Variants in DTHD1 observed in about 807,000 individuals in gnomAD.
DTHD1 encodes the protein death domain-containing protein 1.
A neutral mutation model predicts 74.8 loss-of-function variants in DTHD1; 59 were observed. The ratio of observed to expected loss-of-function variants is 0.79; its 90% CI spans 0.64 to 0.98. The LOEUF is 0.98. Ranked by LOEUF, DTHD1 falls within the 50% of genes least tolerant of loss-of-function variation. The probability of loss-of-function intolerance (pLI) is 0.00; values close to 1 mark genes in which losing one functional copy is unlikely to be tolerated. For synonymous variants in DTHD1, 365 were observed against 371.1 expected, an observed-to-expected ratio of 0.98 and a Z score of 0.19; for missense variants, 1,051 against 1,065.4, an observed-to-expected ratio of 0.99 and a Z score of 0.19.
Position 36,281,706 on chromosome 4 carries a change from A to G in DTHD1, c.-53A>G. The G allele has an allele frequency of 8.1e-7, 1 of 1,234,234 alleles. No homozygotes were observed. Among genetic ancestry groups the G allele is most frequent in the Non-Finnish European group, 1.0e-6 (1 of 988,446 alleles). 76.5% of individuals were successfully genotyped at this position (1,234,234 alleles called of 1,614,324 possible). On this transcript the variant is annotated 5_prime_UTR_variant, in exon 1 of 10. Transcript: ENST00000639862. Reference sequence around the variant, plus strand: ...TAACAATCACAAAGTTTGAATTTGCAAAACCTTTAGGCTTTGCTGGCAGGA... The same window carrying G: ...TAACAATCACAAAGTTTGAATTTGCGAAACCTTTAGGCTTTGCTGGCAGGA...
intron 8 of DTHD1, chr4:36,333,433 C>G (rs1176548764): frequency 4.6e-5 from 7 of 152,128 alleles, no homozygotes; most frequent in African/African-American, 9.7e-5. Flanking sequence ...ACTTTAATGT[C>G]ATGTGACATG....
intron 9 of DTHD1, among the ~76,000 whole-genome samples, chr4:36,342,088 G>C (rs1759343115): frequency 6.6e-6 from 1 of 152,214 alleles, no homozygotes; most frequent in Non-Finnish European, 1.5e-5. Flanking sequence ...AGAAACTGGG[G>C]TCGGAGGTGT....
chr4:36,340,212 G>T (rs1759240440), intron 9 of DTHD1, among the ~76,000 whole-genome samples: 1 of 152,168 alleles, frequency 6.6e-6, no homozygotes, highest in Non-Finnish European at 1.5e-5. Flanking sequence ...TTGAGTGGGA[G>T]AAAACTATGA....
intron 8 of DTHD1, among the ~76,000 whole-genome samples, chr4:36,336,768 AAC>A: frequency 6.6e-6 from 1 of 152,250 alleles, no homozygotes; most frequent in East Asian, 1.9e-4. Flanking sequence ...GGGAGAAACA[AAC>A]AGTTTCAAAG....
chr4:36,295,920 A>C (rs1413271065), intron 5 of DTHD1, among the ~76,000 whole-genome samples: 1 of 152,102 alleles, frequency 6.6e-6, no homozygotes, highest in African/African-American at 2.4e-5. Flanking sequence ...AAAAAAAGAA[A>C]CAATCAAAGG....
chr4:36,335,701 A>C (rs1758973000), intron 8 of DTHD1, among the ~76,000 whole-genome samples: 1 of 152,228 alleles, frequency 6.6e-6, no homozygotes, highest in Admixed American at 6.5e-5. Context: ...GAGGGTTAAA[A>C]ACTTTTGGAG....
intron 8 of DTHD1, among the ~76,000 whole-genome samples, chr4:36,318,252 G>T (rs1475502152): frequency 6.6e-6 from 1 of 152,186 alleles, no homozygotes; most frequent in Non-Finnish European, 1.5e-5. Context: ...AGCACATAAA[G>T]CTAGGATTAT....
chr4:36,316,761 T>C (rs1339396215), intron 8 of DTHD1, among the ~76,000 whole-genome samples: 1 of 152,204 alleles, frequency 6.6e-6, no homozygotes, highest in African/African-American at 2.4e-5. Flanking sequence ...TCATTCATTT[T>C]CTGTAACTGC....
At position 36,284,263 on chromosome 4, in the gene DTHD1, G is replaced by C; in HGVS notation, c.559G>C (p.Ala187Pro). ...AAAAAATAAAACACATATGAGTTCA[G>C]CATTAGTGGAAAAAGAAAACAATAC... ...LEKNKTHMSS[A>P]LVEKENNTSL... The change falls in exon 2 of 10, where the codon GCA becomes CCA. Residue 187 changes from alanine to proline, a missense_variant. Physicochemically the swap from Ala to Pro is conservative, Grantham distance 27. Coordinates refer to ENST00000639862, the MANE Select transcript of DTHD1 (RefSeq NM_001170700.3). The C allele has an allele frequency of 6.5e-7, 1 of 1,537,162 alleles. No homozygotes were observed.
intron 2 of DTHD1, among the ~76,000 whole-genome samples, chr4:36,286,087 C>T (rs1417596228): frequency 1.3e-5 from 2 of 152,090 alleles, no homozygotes; most frequent in Admixed American, 1.3e-4. Context: ...CTAATTTGGC[C>T]GTAATGTTTC....
chr4:36,331,034 A>G (rs1444900842), intron 8 of DTHD1, among the ~76,000 whole-genome samples: 1 of 151,336 alleles, frequency 6.6e-6, no homozygotes, highest in Non-Finnish European at 1.5e-5. Flanking sequence ...AACCTTTACT[A>G]TTATTATTAT....
chr4:36,344,001 C>A lies in DTHD1; in HGVS notation c.*177C>A. ...ACGGATCAGATAATAGAAAGCATTC[C>A]TGGGTGTGAGCGCTCCTCTCTGGTT... is the stretch of plus-strand genomic sequence containing the variant. On this transcript the variant is annotated 3_prime_UTR_variant, in exon 10 of 10. Transcript: ENST00000639862. 1 of 660,116 alleles carries A rather than the reference C, an allele frequency of 1.5e-6. No homozygotes were observed. The highest frequency in any genetic ancestry group is 2.5e-6 in the Non-Finnish European group (1 of 399,940). The allele number at this position is 660,116 out of a possible 1,614,324, so 40.9% of individuals were successfully genotyped here.
At position 36,344,126 on chromosome 4, in the gene DTHD1, G is replaced by A. The variant is rs1027496992; in HGVS notation, c.*302G>A. 8 of 292,618 alleles carry A rather than the reference G, an allele frequency of 2.7e-5. No homozygotes were observed. In the Admixed American group the frequency reaches 3.3e-4, roughly 12 times the overall value. The allele number at this position is 292,618 out of a possible 1,614,324, so 18.1% of individuals were successfully genotyped here. On this transcript the variant is annotated 3_prime_UTR_variant, in exon 10 of 10. Coordinates refer to ENST00000639862, the MANE Select transcript of DTHD1 (RefSeq NM_001170700.3). ...TGTTCACATTTTAAAAGCTAAGTGTGAAGAAAAGATCTGATATATGTAATT... is the reference window on the plus strand; with the variant it reads ...TGTTCACATTTTAAAAGCTAAGTGTAAAGAAAAGATCTGATATATGTAATT...
chr4:36,339,012 C>T, intron 8 of DTHD1, 100 bp from the exon 9 acceptor site: 2 of 957,244 alleles, frequency 2.1e-6, no homozygotes, highest in Non-Finnish European at 3.2e-6. Flanking sequence ...CAATTCAGTA[C>T]TTCTTCGAAA....
intron 8 of DTHD1, among the ~76,000 whole-genome samples, chr4:36,317,262 C>T (rs1486431737): frequency 6.6e-6 from 1 of 152,100 alleles, no homozygotes; most frequent in African/African-American, 2.4e-5. Context: ...TAATATTGAA[C>T]TTCTGAAATA....
intron 5 of DTHD1, among the ~76,000 whole-genome samples, chr4:36,299,040 A>C (rs1756605496): frequency 6.6e-6 from 1 of 152,178 alleles, no homozygotes; most frequent in South Asian, 2.1e-4. Flanking sequence ...GCATCTCCTT[A>C]CTTGCCCCAC....
intron 5 of DTHD1, among the ~76,000 whole-genome samples, chr4:36,301,875 A>C (rs763706075): frequency 7.2e-5 from 11 of 152,138 alleles, no homozygotes; most frequent in Admixed American, 2.0e-4. Context: ...GTCAGCTGGC[A>C]AGAAAACATA....
chr4:36,342,173 C>T (rs1171629159), intron 9 of DTHD1, among the ~76,000 whole-genome samples: 1 of 152,128 alleles, frequency 6.6e-6, no homozygotes, highest in Non-Finnish European at 1.5e-5. Flanking sequence ...ACGAGAAAAG[C>T]CTGCCCAGAT....
intron 7 of DTHD1, among the ~76,000 whole-genome samples, chr4:36,313,050 GT>G (rs1757493284): frequency 6.6e-6 from 1 of 152,130 alleles, no homozygotes; most frequent in Admixed American, 6.5e-5. Flanking sequence ...GGTTTTTCTG[GT>G]TTCCCGGACT....
Sources: allele counts gnomAD v4.1 joint callset (sites outside exome capture counted in the v4.1 genomes callset), GRCh38; gene constraint gnomAD v4.1.1; transcripts MANE v1.5; gene names NCBI Gene and HGNC (gene_info 2026-07-23, HGNC 2026-07-21).